The following CTBP1 variants were observed in gnomAD, a reference collection of about 807,000 sequenced individuals.
The protein encoded by CTBP1 is C-terminal binding protein 1.
A neutral mutation model predicts 42.1 loss-of-function variants in CTBP1; 11 were observed. That is an observed-to-expected ratio of 0.26 (90% CI 0.16 to 0.43). The LOEUF (loss-of-function observed/expected upper bound fraction) is 0.43. CTBP1 is among the 20% of genes least tolerant of loss of function. The pLI, the probability that CTBP1 is intolerant of heterozygous loss-of-function variation, is 1.00. For synonymous variants in CTBP1, 324 were observed against 277.1 expected (o/e 1.17, Z -1.68); for missense variants, 399 against 624.3 (o/e 0.64, Z 3.85).
At chr4:1,245,435 AAC>A (rs1732616389) in intron 1 of CTBP1, 6 of 985,312 alleles carry the variant, frequency 6.1e-6, no homozygotes, top group Non-Finnish European at 7.2e-6. Context: ...TCCCCTTCCC[AAC>A]ACAGTCTACA....
At chr4:1,236,378 C>G (rs1248694830) in intron 3 of CTBP1, 1 of 515,516 alleles carries the variant, frequency 1.9e-6, no homozygotes, top group Non-Finnish European at 3.5e-6. Flanking sequence ...CAAAGCCAGG[C>G]CGCGGGCAAT....
At chr4:1,248,883 C>A (rs1444799720) in intron 1 of CTBP1, 33 bp downstream of exon 1, 20 of 970,718 alleles carry the variant, frequency 2.1e-5, no homozygotes, top group Non-Finnish European at 2.3e-5. Context: ...CGCCCCCGCC[C>A]GCGGCCGGAA....
At chr4:1,212,624 G>A in intron 9 of CTBP1, 1 of 619,312 alleles carries the variant, frequency 1.6e-6, no homozygotes, top group East Asian at 2.9e-5. Context: ...GTGTCTCCAG[G>A]TGACTTGAAC....
At chr4:1,245,344 A>T in intron 1 of CTBP1, 2 of 985,450 alleles carry the variant, frequency 2.0e-6, no homozygotes, top group Non-Finnish European at 2.4e-6. Flanking sequence ...GCACATGCAC[A>T]CAACCTGTGA....
intron 3 of CTBP1, chr4:1,237,463 C>G (rs1351043724): frequency 2.9e-6 from 2 of 680,624 alleles, no homozygotes; most frequent in East Asian, 5.6e-5. Context: ...TCAGTGAAAA[C>G]CCGGTGTTCA....
intron 2 of CTBP1, among the ~76,000 whole-genome samples, chr4:1,241,044 G>A (rs947249393): frequency 6.6e-6 from 1 of 152,192 alleles, no homozygotes; most frequent in Admixed American, 6.5e-5. Flanking sequence ...TCCACATGGA[G>A]GCCCTCCGTG....
intron 2 of CTBP1, among the ~76,000 whole-genome samples, chr4:1,240,686 G>A: frequency 6.6e-6 from 1 of 152,114 alleles, no homozygotes; most frequent in Non-Finnish European, 1.5e-5. Flanking sequence ...GGAGGGGGGA[G>A]CAGGTGGAGA....
intron 5 of CTBP1, among the ~76,000 whole-genome samples, chr4:1,219,446 G>A (rs777190466): frequency 2.1e-4 from 32 of 152,208 alleles, no homozygotes; most frequent in Non-Finnish European, 3.2e-4. Flanking sequence ...TGGGATGGCT[G>A]CCTCAACATC....
intron 1 of CTBP1, chr4:1,242,658 G>A (rs1732299229): frequency 1.0e-6 from 1 of 985,408 alleles, no homozygotes; most frequent in Middle Eastern, 5.2e-4. Context: ...GGCAGGTGCT[G>A]TGTGGGACTC....
At position 1,233,777 on chromosome 4, in the gene CTBP1, C is replaced by T. The variant is rs146956656; in HGVS notation, c.162+4406G>A. On this transcript the variant is annotated intron_variant, in intron 3 of 9. Transcript: ENST00000382952. This position sits in a 1 kb window ranked among gnomAD's most constrained non-coding sequence, Gnocchi z 4.6. The stretch of plus-strand genomic sequence containing the variant: ...GACGGTATCACGTTCTCTCCCTCCA[C>T]GGCACTCAGACGGCGGCGACCTCCA... Among the ~76,000 whole-genome samples the T allele has an allele frequency of 3.7e-3, 567 of 152,356 alleles. 7 individuals carry two copies. Among genetic ancestry groups the T allele is most frequent in the African/African-American group, 0.013 (529 of 41,584 alleles).
At chr4:1,239,238 A>T (rs1032850304) in intron 2 of CTBP1, among the ~76,000 whole-genome samples, 18 of 152,196 alleles carry the variant, frequency 1.2e-4, no homozygotes, top group Non-Finnish European at 2.5e-4. Flanking sequence ...GGCAGCTTCC[A>T]GGCACCGCCC....
chr4:1,247,765 G>GGA (rs1416245708), intron 1 of CTBP1, among the ~76,000 whole-genome samples: 40 of 117,864 alleles, frequency 3.4e-4, no homozygotes, highest in African/African-American at 1.1e-3. Flanking sequence ...GAGAGGCCGG[G>GGA]GAGGGGGGGG....
chr4:1,217,374 C>G (rs1047290555), intron 5 of CTBP1: 1 of 152,384 alleles, frequency 6.6e-6, no homozygotes, highest in Non-Finnish European at 1.5e-5. Flanking sequence ...GAGGAGGGCT[C>G]GGCAGGCGGA....
At chr4:1,244,927 G>C in intron 1 of CTBP1, 1 of 985,448 alleles carries the variant, frequency 1.0e-6, no homozygotes, top group Non-Finnish European at 1.2e-6. Context: ...CCAGTCCTGA[G>C]ATACAGCCAC....
At chr4:1,249,986 C>A (rs1423632215), upstream of CTBP1, 1 of 163,418 alleles carries the variant, frequency 6.1e-6, no homozygotes, top group Non-Finnish European at 1.3e-5. Flanking sequence ...CCTGCAGACT[C>A]TCCCGAGGGG....
At chr4:1,244,328 G>A (rs1292123370) in intron 1 of CTBP1, 8 of 974,938 alleles carry the variant, frequency 8.2e-6, no homozygotes, top group Non-Finnish European at 8.5e-6. Flanking sequence ...CCCCGATCCA[G>A]ACAGCCACAG....
intron 5 of CTBP1, among the ~76,000 whole-genome samples, chr4:1,220,460 A>G (rs1442459161): frequency 2.6e-5 from 4 of 152,220 alleles, no homozygotes; most frequent in Non-Finnish European, 5.9e-5. Flanking sequence ...CGAAGGTTCA[A>G]TATTATTAGG....
chr4:1,236,381 C>CG, intron 3 of CTBP1: 1 of 517,770 alleles, frequency 1.9e-6, no homozygotes, highest in Non-Finnish European at 3.5e-6. Context: ...AGCCAGGCCG[C>CG]GGGCAATGCC....
At chr4:1,229,406 C>A (rs558721643) in intron 3 of CTBP1, among the ~76,000 whole-genome samples, 1 of 152,366 alleles carries the variant, frequency 6.6e-6, no homozygotes, top group Non-Finnish European at 1.5e-5. Flanking sequence ...CCAGGACATG[C>A]AGGCCTCGTC....
Sources: gnomAD v4.1 joint callset for allele counts (sites outside exome capture counted in the v4.1 genomes callset) on GRCh38, gnomAD v4.1.1 for gene constraint, Gnocchi (gnomAD v3.1) non-coding constraint, MANE v1.5 for transcripts, NCBI Gene and HGNC (gene_info 2026-07-23, HGNC 2026-07-21) for gene names.